LRRC8D: variants seen among roughly 807,000 people sequenced by gnomAD.
LRRC8D encodes leucine rich repeat containing 8 VRAC subunit D, also known as volume-regulated anion channel subunit LRRC8D.
Under a neutral mutation model 55.8 loss-of-function variants are expected in LRRC8D, and 20 were observed. The observed-to-expected ratio is 0.36, with a 90% confidence interval of 0.25 to 0.52. The LOEUF is 0.52. LRRC8D is among the 20% of genes least tolerant of loss of function. LRRC8D has a pLI of 0.93. For missense variants in LRRC8D, 651 were observed against 1,030.8 expected (o/e 0.63, Z 5.05); for synonymous variants, 352 against 377.0 (o/e 0.93, Z 0.77).
intron 1 of LRRC8D, among the ~76,000 whole-genome samples, chr1:89,823,616 A>G (rs1003376515): frequency 2.6e-5 from 4 of 152,214 alleles, no homozygotes; most frequent in African/African-American, 9.6e-5. Flanking sequence ...AGTTATTTTT[A>G]ATTGGAGCTG....
At chr1:89,894,261 A>G (rs1278775969) in intron 2 of LRRC8D, among the ~76,000 whole-genome samples, 3 of 152,232 alleles carry the variant, frequency 2.0e-5, no homozygotes, top group Admixed American at 6.5e-5. Flanking sequence ...TGTGAGGAAT[A>G]AATGTTTGTC....
In LRRC8D at chr1:89,916,360, ATTTG is replaced by A. The variant is rs899084973; in HGVS notation, c.-2-16699_-2-16696del. 7.9e-5 allele frequency among the ~76,000 whole-genome samples: 12 copies of A among 152,330 alleles called. No homozygotes were observed. In the South Asian group the frequency reaches 8.3e-4, roughly 11 times the overall value. On this transcript the variant is annotated intron_variant, in intron 2 of 2. Transcript: ENST00000337338. The stretch of plus-strand genomic sequence containing the variant: ...TAAATAAATCAAATGTGAATAAAAC[ATTTG>A]TTTGTTTTATCAAATCCTTTGAAAT...
chr1:89,923,802 A>C (rs2100978544), intron 2 of LRRC8D, among the ~76,000 whole-genome samples: 2 of 152,322 alleles, frequency 1.3e-5, no homozygotes, highest in Non-Finnish European at 2.9e-5. Flanking sequence ...TCTTTGTGAC[A>C]AAGTCGACAG....
intron 2 of LRRC8D, among the ~76,000 whole-genome samples, chr1:89,880,480 A>G (rs1367824984): frequency 6.7e-6 from 1 of 148,170 alleles, no homozygotes; most frequent in Non-Finnish European, 1.5e-5. Context: ...TTGGCCTACC[A>G]TTTACTTGCT....
At chr1:89,833,660 TAAG>T (rs1490713339) in intron 1 of LRRC8D, 1 of 152,114 alleles carries the variant, frequency 6.6e-6, no homozygotes, top group Non-Finnish European at 1.5e-5. Context: ...TTGGTGAGGA[TAAG>T]AAGCTATTAT....
At chr1:89,844,822 G>C (rs1389751715) in intron 2 of LRRC8D, among the ~76,000 whole-genome samples, 2 of 152,210 alleles carry the variant, frequency 1.3e-5, no homozygotes, top group East Asian at 3.8e-4. Context: ...CTCTAGTCTT[G>C]GGGAGGACAC....
intron 2 of LRRC8D, among the ~76,000 whole-genome samples, chr1:89,913,823 T>G (rs182070232): frequency 6.6e-6 from 1 of 152,232 alleles, no homozygotes; most frequent in Non-Finnish European, 1.5e-5. Flanking sequence ...ATTTCCTGGC[T>G]GATGTCCCCT....
chr1:89,890,482 C>A (rs1662548305), intron 2 of LRRC8D, among the ~76,000 whole-genome samples: 1 of 152,186 alleles, frequency 6.6e-6, no homozygotes, highest in Non-Finnish European at 1.5e-5. Flanking sequence ...ATGGTTTAAC[C>A]TAGGAGGCTC....
intron 1 of LRRC8D, among the ~76,000 whole-genome samples, chr1:89,826,619 A>C (rs1034130305): frequency 6.6e-6 from 1 of 152,262 alleles, no homozygotes; most frequent in Admixed American, 6.5e-5. Context: ...AAGTTTACAC[A>C]TGTAGTGACA....
chr1:89,833,007 G>A (rs1186141278), intron 1 of LRRC8D, among the ~76,000 whole-genome samples: 1 of 152,164 alleles, frequency 6.6e-6, no homozygotes, highest in Non-Finnish European at 1.5e-5. Flanking sequence ...GAGCAGCCAA[G>A]GTCATTACAG....
chr1:89,839,333 G>A (rs1661077308), intron 1 of LRRC8D, among the ~76,000 whole-genome samples: 2 of 152,182 alleles, frequency 1.3e-5, no homozygotes, highest in Non-Finnish European at 2.9e-5. Flanking sequence ...TGAGGAAATT[G>A]GAGCACTGAG....
chr1:89,837,770 T>G (rs964017844), intron 1 of LRRC8D, among the ~76,000 whole-genome samples: 3 of 152,260 alleles, frequency 2.0e-5, no homozygotes, highest in African/African-American at 7.2e-5. Context: ...GGTACTCCGT[T>G]TCTCTTTCGT....
At chr1:89,890,015 A>G (rs1282180111) in intron 2 of LRRC8D, among the ~76,000 whole-genome samples, 11 of 150,694 alleles carry the variant, frequency 7.3e-5, no homozygotes, top group Admixed American at 5.9e-4. Context: ...GTGAAACTCC[A>G]TCTCTAATAA....
intron 1 of LRRC8D, chr1:89,843,341 A>T (rs1661182494): frequency 4.2e-6 from 1 of 237,952 alleles, no homozygotes. Context: ...ACTTGTGGGG[A>T]GGGGAGAACC....
At chr1:89,918,398 T>C (rs1663328150) in intron 2 of LRRC8D, among the ~76,000 whole-genome samples, 1 of 152,234 alleles carries the variant, frequency 6.6e-6, no homozygotes. Flanking sequence ...GCAGAGTTAC[T>C]CTCAGTCAGA....
At chr1:89,912,748 A>G (rs1663167456) in intron 2 of LRRC8D, among the ~76,000 whole-genome samples, 1 of 152,316 alleles carries the variant, frequency 6.6e-6, no homozygotes, top group African/African-American at 2.4e-5. Context: ...TATTGTTCAT[A>G]AATTGTTAGT....
chr1:89,927,043 T>C (rs1324649508), intron 2 of LRRC8D, among the ~76,000 whole-genome samples: 1 of 152,252 alleles, frequency 6.6e-6, no homozygotes, highest in Non-Finnish European at 1.5e-5. Context: ...AGCTTTCAGA[T>C]ATTGTATGTT....
intron 2 of LRRC8D, among the ~76,000 whole-genome samples, chr1:89,897,295 T>C (rs577001904): frequency 1.3e-5 from 2 of 152,232 alleles, no homozygotes; most frequent in Non-Finnish European, 2.9e-5. Context: ...TGTTGCTTTA[T>C]GGTTTCATTT....
chr1:89,843,505 C>T, intron 1 of LRRC8D, 133 bp from the exon 2 acceptor site: 1 of 547,850 alleles, frequency 1.8e-6, no homozygotes, highest in Non-Finnish European at 3.4e-6. Flanking sequence ...CAGGGGAGCG[C>T]TGGGTGCCCA....
Sources: allele counts gnomAD v4.1 joint callset (sites outside exome capture counted in the v4.1 genomes callset), GRCh38; gene constraint gnomAD v4.1.1; transcripts MANE v1.5; gene names NCBI Gene and HGNC (gene_info 2026-07-23, HGNC 2026-07-21).